Variants in BCAS3 observed in about 807,000 individuals in gnomAD.
BCAS3 encodes the protein BCAS3 microtubule associated cell migration factor, also known as BCAS4/BCAS3 fusion.
In BCAS3, 53 loss-of-function variants were observed where a neutral mutation model predicts 116.1. The ratio of observed to expected loss-of-function variants is 0.46; its 90% CI spans 0.37 to 0.57. The LOEUF is 0.57. BCAS3 is among the 20% of genes least tolerant of loss of function. BCAS3 has a pLI of 0.00. For synonymous variants in BCAS3, 391 were observed against 408.2 expected, an observed-to-expected ratio of 0.96 and a Z score of 0.51; for missense variants, 917 against 1,165.4, an observed-to-expected ratio of 0.79 and a Z score of 3.10.
intron 22 of BCAS3, among the ~76,000 whole-genome samples, chr17:61,096,159 A>G (rs1347388292): frequency 2.6e-5 from 4 of 152,242 alleles, no homozygotes; most frequent in East Asian, 1.9e-4. Context: ...AAACTTTTAT[A>G]ACTATTCACT....
intron 22 of BCAS3, among the ~76,000 whole-genome samples, chr17:61,218,042 A>G (rs1167200554): frequency 1.3e-5 from 2 of 152,200 alleles, no homozygotes; most frequent in Non-Finnish European, 2.9e-5. Flanking sequence ...TATGTTTACC[A>G]TCTGGTTATT....
Position 61,015,836 on chromosome 17 carries a change from G to T in BCAS3, c.1572G>T (p.Met524Ile), listed in dbSNP as rs1311975430. The T allele has an allele frequency of 3.1e-6, 5 of 1,614,078 alleles. No homozygotes were observed. In the South Asian group the frequency reaches 5.5e-5, roughly 18 times the overall value. The part of the protein sequence containing the change: ...NPRLSPLPSL[M>I]VVMPLAQIKQ... The stretch of plus-strand genomic sequence containing the variant: ...GGCTCTCTCCTCTTCCCAGCTTGAT[G>T]GTAGTGATGCCTCTTGCACAAATCA... The change falls in exon 16 of 24, where the codon ATG (methionine) becomes ATT (isoleucine). Residue 524 changes from methionine to isoleucine, a missense_variant. Physicochemically the swap from Met to Ile is conservative, Grantham distance 10 (BLOSUM62 1). This residue lies in a region of BCAS3 where 807 missense variants were observed against 1,026.0 expected (regional missense o/e 0.79). Coordinates refer to ENST00000407086, the MANE Select transcript of BCAS3 (RefSeq NM_017679.5).
At chr17:61,209,674 ACAAAAAGAAGACTTG>A (rs1251564275) in intron 22 of BCAS3, among the ~76,000 whole-genome samples, 1 of 152,176 alleles carries the variant, frequency 6.6e-6, no homozygotes, top group Non-Finnish European at 1.5e-5. Context: ...GTCCAAAGTG[ACAAAAAGAAGACTTG>A]GAAGACTGGG....
At chr17:61,172,556 G>C (rs976192565) in intron 22 of BCAS3, among the ~76,000 whole-genome samples, 3 of 152,212 alleles carry the variant, frequency 2.0e-5, no homozygotes, top group African/African-American at 7.2e-5. Flanking sequence ...AGAAGGGCGT[G>C]AACCCAGGAG....
chr17:60,679,079 G>A (rs1449863965), intron 1 of BCAS3, among the ~76,000 whole-genome samples: 1 of 152,108 alleles, frequency 6.6e-6, no homozygotes, highest in Non-Finnish European at 1.5e-5. Context: ...ATAAAATTTA[G>A]CTCGGCATGG....
intron 10 of BCAS3, among the ~76,000 whole-genome samples, chr17:60,901,007 G>C (rs2057855645): frequency 6.6e-6 from 1 of 152,130 alleles, no homozygotes; most frequent in Middle Eastern, 3.4e-3. Flanking sequence ...CCAGGAGTTT[G>C]AGACCAGCCT....
chr17:60,882,564 T>C (rs2056270089), intron 9 of BCAS3, among the ~76,000 whole-genome samples: 1 of 152,228 alleles, frequency 6.6e-6, no homozygotes, highest in South Asian at 2.1e-4. Context: ...CTAGGGTTTT[T>C]ATGGTTTTAG....
At chr17:60,936,885 T>C (rs902949164) in intron 13 of BCAS3, among the ~76,000 whole-genome samples, 4 of 152,236 alleles carry the variant, frequency 2.6e-5, no homozygotes, top group Non-Finnish European at 5.9e-5. Context: ...TTGTCAGTTT[T>C]GGCTTTTGTT....
chr17:61,089,948 A>G (rs2073415755), intron 22 of BCAS3, among the ~76,000 whole-genome samples: 1 of 152,176 alleles, frequency 6.6e-6, no homozygotes, highest in African/African-American at 2.4e-5. Context: ...TGCTGATGGT[A>G]AAAATAAAGA....
intron 22 of BCAS3, among the ~76,000 whole-genome samples, chr17:61,103,798 T>C (rs2143681484): frequency 6.6e-6 from 1 of 152,342 alleles, no homozygotes; most frequent in East Asian, 1.9e-4. Flanking sequence ...GAAAAGGCTC[T>C]CTCAAGGATG....
At chr17:60,991,829 C>T (rs2063543225) in intron 15 of BCAS3, among the ~76,000 whole-genome samples, 2 of 139,870 alleles carry the variant, frequency 1.4e-5, no homozygotes, top group Non-Finnish European at 2.9e-5. Context: ...TAGACTGTTA[C>T]TTGTCCTGTA....
Position 60,894,046 on chromosome 17 carries a change from C to CATTTT in BCAS3, c.738+4296_738+4300dup, listed in dbSNP as rs199890655. ...GCTTTGGCCATTTGCTGCCCCACCC[C>CATTTT]ATTTTATTTTATTTTATTTTATTTT... On this transcript the variant is annotated intron_variant, in intron 10 of 23. Coordinates refer to ENST00000407086, the MANE Select transcript of BCAS3 (RefSeq NM_017679.5). 2.2e-3 allele frequency among the ~76,000 whole-genome samples: 337 copies of CATTTT among 152,150 alleles called. 5 individuals carry two copies. The highest frequency in any genetic ancestry group is 0.016 in the East Asian group (84 of 5,172).
At chr17:61,329,343 A>ATTATTTTTTTTTTTT (rs1555831750) in intron 22 of BCAS3, among the ~76,000 whole-genome samples, 3 of 131,280 alleles carry the variant, frequency 2.3e-5, no homozygotes, top group Admixed American at 7.8e-5. Flanking sequence ...TATTATTATT[A>ATTATTTTTTTTTTTT]TTTTTTTTTT....
At chr17:61,149,869 A>G (rs990622833) in intron 22 of BCAS3, among the ~76,000 whole-genome samples, 6 of 152,192 alleles carry the variant, frequency 3.9e-5, no homozygotes, top group African/African-American at 7.2e-5. Context: ...AAAAGAATCT[A>G]TGGTAGCTCA....
intron 22 of BCAS3, among the ~76,000 whole-genome samples, chr17:61,160,933 A>G (rs183190841): frequency 7.6e-4 from 115 of 152,280 alleles, no homozygotes; most frequent in African/African-American, 2.6e-3. Flanking sequence ...CCAAATGCCC[A>G]TATTTCTTCA....
chr17:61,187,668 T>C (rs1009605250), intron 22 of BCAS3, among the ~76,000 whole-genome samples: 3 of 152,216 alleles, frequency 2.0e-5, no homozygotes, highest in African/African-American at 7.2e-5. Context: ...TCATTAGCAG[T>C]AACAATTTCA....
chr17:61,334,886 T>C (rs2056599146), intron 22 of BCAS3, among the ~76,000 whole-genome samples: 1 of 152,208 alleles, frequency 6.6e-6, no homozygotes, highest in Admixed American at 6.5e-5. Flanking sequence ...CTTGGCCCAG[T>C]AGCTAAGGCT....
chr17:60,865,774 G>A (rs2054545088), intron 7 of BCAS3, among the ~76,000 whole-genome samples: 1 of 152,040 alleles, frequency 6.6e-6, no homozygotes. Flanking sequence ...TATTGCGCTG[G>A]GTAAGACTTC....
intron 6 of BCAS3, among the ~76,000 whole-genome samples, chr17:60,780,075 C>T (rs866229186): frequency 1.3e-4 from 19 of 151,714 alleles, no homozygotes; most frequent in Admixed American, 2.6e-4. Context: ...CTGCAAGCTC[C>T]GCCTCCTGGA....
Sources: allele counts gnomAD v4.1 joint callset (sites outside exome capture counted in the v4.1 genomes callset), GRCh38; gene constraint gnomAD v4.1.1; regional missense constraint gnomAD v4.1.1; transcripts MANE v1.5; gene names NCBI Gene and HGNC (gene_info 2026-07-23, HGNC 2026-07-21).